Variants in MLLT10 observed in about 807,000 individuals in gnomAD.
The protein encoded by MLLT10 is protein AF-10.
In MLLT10, 30 loss-of-function variants were observed where a neutral mutation model predicts 129.1. The observed-to-expected ratio is 0.23, with a 90% CI of 0.17 to 0.32. The LOEUF (loss-of-function observed/expected upper bound fraction) is 0.32, where lower values mean the gene tolerates loss of function less well. Ranked by LOEUF, MLLT10 falls within the 10% of genes least tolerant of loss-of-function variation. The pLI, the probability that MLLT10 is intolerant of heterozygous loss-of-function variation, is 1.00. For synonymous variants in MLLT10, 490 were observed against 446.4 expected, an observed-to-expected ratio of 1.10 and a Z score of -1.23; for missense variants, 1,119 against 1,268.3, an observed-to-expected ratio of 0.88 and a Z score of 1.79.
intron 13 of MLLT10, among the ~76,000 whole-genome samples, chr10:21,704,739 ATC>A (rs1295580744): frequency 2.0e-5 from 3 of 151,860 alleles, no homozygotes; most frequent in Admixed American, 2.0e-4. Context: ...TTGAAGATAT[ATC>A]TATGGTGTTG....
At chr10:21,589,834 A>G (rs2042327688) in intron 4 of MLLT10, among the ~76,000 whole-genome samples, 1 of 152,174 alleles carries the variant, frequency 6.6e-6, no homozygotes, top group Admixed American at 6.5e-5. Flanking sequence ...TTTTCTGGGA[A>G]AATTTTTGAT....
intron 13 of MLLT10, among the ~76,000 whole-genome samples, chr10:21,686,735 C>A (rs1285497321): frequency 6.6e-6 from 1 of 152,138 alleles, no homozygotes; most frequent in Non-Finnish European, 1.5e-5. Flanking sequence ...GCAATCCCAG[C>A]ACTTTGGGAG....
chr10:21,716,137 G>A (rs2056537313), intron 14 of MLLT10, among the ~76,000 whole-genome samples: 1 of 152,222 alleles, frequency 6.6e-6, no homozygotes, highest in African/African-American at 2.4e-5. Flanking sequence ...TAGGCAATGT[G>A]CAAAGGAAAG....
In MLLT10 at chr10:21,586,272, GTTTC is replaced by G; in HGVS notation, c.241-18_241-15del. ...TGATAATCTGAAATATTCATTACCT[GTTTC>G]TTTTTTTTTTTTTATAGAGATGTGA... On this transcript the variant is annotated intron_variant, in intron 3 of 22. Coordinates refer to ENST00000307729, the MANE Select transcript of MLLT10 (RefSeq NM_001195626.3). 6.9e-7 allele frequency: 1 copy of G among 1,447,880 alleles called. No individual in the cohort carries two copies. Among genetic ancestry groups the G allele is most frequent in the Non-Finnish European group, 9.4e-7 (1 of 1,061,782 alleles). 89.7% of individuals were successfully genotyped at this position (1,447,880 alleles called of 1,614,324 possible). A position where few individuals can be genotyped will look rare whatever the true frequency, so the allele number is the denominator to read the frequency against.
At chr10:21,664,625 G>T (rs1358235841) in intron 9 of MLLT10, among the ~76,000 whole-genome samples, 1 of 152,074 alleles carries the variant, frequency 6.6e-6, no homozygotes, top group Admixed American at 6.6e-5. Context: ...TTCATTTGTA[G>T]TTGTGTGGAG....
chr10:21,700,162 T>C (rs1236805368), intron 13 of MLLT10, among the ~76,000 whole-genome samples: 1 of 152,052 alleles, frequency 6.6e-6, no homozygotes, highest in Non-Finnish European at 1.5e-5. Flanking sequence ...CTTGATTTCT[T>C]TTTTTGCTAT....
In MLLT10 at chr10:21,640,202, A is replaced by AT. The variant is rs2047852940; in HGVS notation, c.700-11470dup. On this transcript the variant is annotated intron_variant, in intron 8 of 22. Transcript: ENST00000307729. ...TATCAAATATTATTATATAATATTT[A>AT]TATATTATATTATATTATATATTAT... Among the ~76,000 whole-genome samples the AT allele has an allele frequency of 2.1e-5, 3 of 144,182 alleles. No homozygotes were observed. The South Asian group carries it at 6.3e-4, about 30-fold the overall frequency. The allele number at this position is 144,182 out of a possible 152,430, so 94.6% of individuals were successfully genotyped here. A position where few individuals can be genotyped will look rare whatever the true frequency, so the allele number is the denominator to read the frequency against.
intron 11 of MLLT10, among the ~76,000 whole-genome samples, chr10:21,674,570 T>C (rs1389785695): frequency 6.6e-6 from 1 of 152,200 alleles, no homozygotes; most frequent in Non-Finnish European, 1.5e-5. Context: ...ACTATTGGGA[T>C]GTTTCTGTAA....
chr10:21,717,654 T>C (rs2056755613), intron 14 of MLLT10, among the ~76,000 whole-genome samples: 1 of 133,956 alleles, frequency 7.5e-6, no homozygotes, highest in Non-Finnish European at 1.6e-5. Flanking sequence ...CTCCTCCTCT[T>C]CCTCCTCCTC....
At chr10:21,675,067 G>T (rs1477538156) in intron 11 of MLLT10, among the ~76,000 whole-genome samples, 1 of 152,164 alleles carries the variant, frequency 6.6e-6, no homozygotes, top group Non-Finnish European at 1.5e-5. Context: ...ACTGTGATTT[G>T]TTATGTGCCA....
intron 14 of MLLT10, among the ~76,000 whole-genome samples, chr10:21,715,120 T>C (rs2056437607): frequency 6.6e-6 from 1 of 152,256 alleles, no homozygotes; most frequent in African/African-American, 2.4e-5. Context: ...CCTGTCAACT[T>C]GAGCTTTATG....
At chr10:21,647,899 G>T (rs1261440836) in intron 8 of MLLT10, among the ~76,000 whole-genome samples, 3 of 151,282 alleles carry the variant, frequency 2.0e-5, no homozygotes, top group Admixed American at 6.6e-5. Context: ...TTTTGGGGGG[G>T]AGGTTAGAAA....
chr10:21,691,790 G>C (rs2053873273), intron 13 of MLLT10, among the ~76,000 whole-genome samples: 2 of 152,152 alleles, frequency 1.3e-5, no homozygotes, highest in African/African-American at 4.8e-5. Flanking sequence ...AATGGTTACA[G>C]CCAAGGAAAA....
At chr10:21,634,958 T>C (rs2047326936) in intron 8 of MLLT10, among the ~76,000 whole-genome samples, 1 of 152,250 alleles carries the variant, frequency 6.6e-6, no homozygotes, top group African/African-American at 2.4e-5. Flanking sequence ...TTGTCTTCTT[T>C]TCTGCCCCAG....
intron 8 of MLLT10, among the ~76,000 whole-genome samples, chr10:21,629,937 TGACAACA>T (rs2046846949): frequency 6.6e-6 from 1 of 152,150 alleles, no homozygotes; most frequent in Non-Finnish European, 1.5e-5. Flanking sequence ...ATTCTAGCCT[TGACAACA>T]GAATGAGACC....
intron 13 of MLLT10, among the ~76,000 whole-genome samples, chr10:21,702,572 G>A (rs2055034399): frequency 6.6e-6 from 1 of 152,044 alleles, no homozygotes; most frequent in Non-Finnish European, 1.5e-5. Context: ...CTCTCTTTAG[G>A]TTTAGTAATA....
In MLLT10 at chr10:21,673,724, C is replaced by A. The variant is rs775106824; in HGVS notation, c.1426C>A (p.His476Asn). The A allele has an allele frequency of 2.1e-5, 34 of 1,613,998 alleles. No homozygotes were observed. Among genetic ancestry groups the A allele is most frequent in the Non-Finnish European group, 2.6e-5 (31 of 1,180,020 alleles). Residue 476 changes from histidine (H) to asparagine (N), a missense_variant, in exon 11 of 23, where the codon CAT becomes AAT. Physicochemically the swap from His to Asn is moderately conservative, Grantham distance 68. Around this residue, in one of 5 missense-constraint regions of MLLT10, gnomAD observed 1,004 missense variants for 1,008.7 expected, o/e 1.00. Coordinates refer to ENST00000307729, the MANE Select transcript of MLLT10 (RefSeq NM_001195626.3). ...KKRKGNKQSK[H>N]GPGRPKGNKN... ...AAGGAAAGGAAATAAACAAAGTAAG[C>A]ATGGGCCTGGCAGACCCAAAGGAAA...
rs771824550 is a variant in MLLT10 at position 21,673,554 on chromosome 10, G to T, written c.1256G>T (p.Gly419Val). The T allele has an allele frequency of 6.2e-7, 1 of 1,613,006 alleles. No individual in the cohort carries two copies. Among genetic ancestry groups the T allele is most frequent in the Non-Finnish European group, 8.5e-7 (1 of 1,179,676 alleles). The stretch of plus-strand genomic sequence containing the variant: ...GTAAATAGTTTTAGTACCTTAATTG[G>T]CCTCCCTTCAACCTCAGCTGTTACT... The part of the protein sequence containing the change: ...GGVNSFSTLI[G>V]LPSTSAVTSQ... Residue 419 changes from glycine to valine, a missense_variant, in exon 11 of 23, where the codon GGC becomes GTC. By Grantham distance (109) the Gly-to-Val change is moderately radical. Coordinates refer to ENST00000307729, the MANE Select transcript of MLLT10 (RefSeq NM_001195626.3).
At chr10:21,533,943 C>G (rs548943688), upstream of MLLT10, among the ~76,000 whole-genome samples, 1 of 152,146 alleles carries the variant, frequency 6.6e-6, no homozygotes, top group Non-Finnish European at 1.5e-5. Flanking sequence ...CCCGCCACCT[C>G]CCAGGCCTCT....
Sources: gnomAD v4.1 joint callset for allele counts (sites outside exome capture counted in the v4.1 genomes callset) on GRCh38, gnomAD v4.1.1 for gene constraint, gnomAD v4.1.1 regional missense constraint, MANE v1.5 for transcripts, NCBI Gene and HGNC (gene_info 2026-07-23, HGNC 2026-07-21) for gene names.